Variants in BICDL1 observed in about 807,000 individuals in gnomAD.
BICDL1 encodes BICD family like cargo adaptor 1, also known as BICD family-like cargo adapter 1.
Under a neutral mutation model 76.8 loss-of-function variants are expected in BICDL1, and 20 were observed. The ratio of observed to expected loss-of-function variants is 0.26; its 90% CI spans 0.18 to 0.38. BICDL1 has a LOEUF of 0.38. BICDL1 is among the 10% of genes least tolerant of loss of function. The pLI, the probability that BICDL1 is intolerant of heterozygous loss-of-function variation, is 1.00. For missense variants in BICDL1, 700 were observed against 798.6 expected, an observed-to-expected ratio of 0.88 and a Z score of 1.49; for synonymous variants, 383 against 337.1, an observed-to-expected ratio of 1.14 and a Z score of -1.49.
At chr12:120,091,768 ATAT>A in intron 9 of BICDL1, 1 of 985,324 alleles carries the variant, frequency 1.0e-6, no homozygotes, top group Non-Finnish European at 1.2e-6. Context: ...ACCTGCAGAG[ATAT>A]TAGAATGACA....
intron 2 of BICDL1, among the ~76,000 whole-genome samples, chr12:120,023,229 A>G (rs1385412043): frequency 1.3e-5 from 2 of 152,214 alleles, no homozygotes; most frequent in African/African-American, 2.4e-5. Context: ...ATAAATTGCA[A>G]AAAGATCTCA....
chr12:120,066,306 G>A (rs1436196321), intron 4 of BICDL1, among the ~76,000 whole-genome samples: 1 of 152,166 alleles, frequency 6.6e-6, no homozygotes, highest in Non-Finnish European at 1.5e-5. Context: ...CTATCAAGCT[G>A]CTCTCCTGAG....
intron 9 of BICDL1, chr12:120,091,623 A>G (rs1301930697): frequency 6.1e-6 from 6 of 984,948 alleles, no homozygotes; most frequent in Non-Finnish European, 7.2e-6. Flanking sequence ...GAAGACCAGG[A>G]ATGAGCTGAG....
intron 2 of BICDL1, among the ~76,000 whole-genome samples, chr12:120,028,508 C>A (rs765510120): frequency 1.8e-4 from 27 of 152,082 alleles, no homozygotes; most frequent in Admixed American, 1.4e-3. Context: ...AACCTTGTAT[C>A]TACTAAAAGT....
intron 2 of BICDL1, among the ~76,000 whole-genome samples, chr12:119,999,479 G>A (rs147884301): frequency 1.3e-5 from 2 of 152,132 alleles, no homozygotes; most frequent in South Asian, 4.1e-4. Context: ...TTTTATTGAT[G>A]TTGCATTTGT....
intron 7 of BICDL1, among the ~76,000 whole-genome samples, chr12:120,077,935 C>T (rs1873688967): frequency 6.6e-6 from 1 of 152,192 alleles, no homozygotes; most frequent in South Asian, 2.1e-4. Context: ...AGTCTGGCTG[C>T]ATTCCAGCCG....
intron 2 of BICDL1, among the ~76,000 whole-genome samples, chr12:120,034,957 C>G (rs1277967161): frequency 6.6e-6 from 1 of 152,098 alleles, no homozygotes; most frequent in Non-Finnish European, 1.5e-5. Context: ...TGTGTTTTTC[C>G]CCCATAGCTC....
chr12:120,078,380 G>A (rs914451791), intron 7 of BICDL1, among the ~76,000 whole-genome samples: 5 of 152,194 alleles, frequency 3.3e-5, no homozygotes, highest in Non-Finnish European at 5.9e-5. Context: ...TTCAATATCT[G>A]ACTTTTGAAT....
chr12:120,089,352 G>A (rs1170957404), intron 8 of BICDL1, among the ~76,000 whole-genome samples: 1 of 151,344 alleles, frequency 6.6e-6, no homozygotes, highest in Non-Finnish European at 1.5e-5. Context: ...GCGTGTGTGT[G>A]TGACGGAGTT....
rs577948174 is a variant in BICDL1 at position 120,081,439 on chromosome 12, C to T, written c.1583+422C>T. ...CGATCTCAGCTCCCTGCAACCTCTG[C>T]CTCTGGGTTTAAGCGATTCTCCTGT... is the stretch of plus-strand genomic sequence containing the variant. On this transcript the variant is annotated intron_variant, in intron 8 of 9. Coordinates refer to ENST00000548673, the MANE Select transcript of BICDL1 (RefSeq NM_001367886.1). Among the ~76,000 whole-genome samples the T allele has an allele frequency of 2.7e-5, 4 of 149,390 alleles. No individual in the cohort carries two copies. In the South Asian group the frequency reaches 8.5e-4, roughly 32 times the overall value.
At chr12:120,057,014 C>A in intron 2 of BICDL1, 1 of 504,186 alleles carries the variant, frequency 2.0e-6, no homozygotes, top group Non-Finnish European at 4.0e-6. Flanking sequence ...CTCGCCCACG[C>A]AGGTGGGAAT....
chr12:120,040,694 G>A (rs1952622666), intron 2 of BICDL1, among the ~76,000 whole-genome samples: 1 of 151,792 alleles, frequency 6.6e-6, no homozygotes, highest in South Asian at 2.1e-4. Flanking sequence ...GGGATTACAG[G>A]TGTGAACCAT....
chr12:120,061,106 A>G (rs1335504660), intron 2 of BICDL1, among the ~76,000 whole-genome samples: 1 of 152,212 alleles, frequency 6.6e-6, no homozygotes, highest in African/African-American at 2.4e-5. Flanking sequence ...GCTGTATTTT[A>G]GCATTAGATC....
chr12:120,010,632 T>G lies in BICDL1; in HGVS notation c.645+11896T>G, dbSNP rs572216923. Among the ~76,000 whole-genome samples, 4 of 152,346 alleles carry G rather than the reference T, an allele frequency of 2.6e-5. No homozygotes were observed. The South Asian group carries it at 8.3e-4, about 32-fold the overall frequency. On this transcript the variant is annotated intron_variant, in intron 2 of 9. Transcript: ENST00000548673. ...TGCAAGGAAGAGCTGAATGGATTGT[T>G]AATCTGGTGGATTCCTGTCCCCTTC...
Position 119,990,353 on chromosome 12 carries a change from C to A in BICDL1, c.429+56C>A. On this transcript the variant is annotated intron_variant, in intron 1 of 9. Transcript: ENST00000548673. ...AGCAGGGGCCGCCCAGGCACGCGCC[C>A]GGCCCTGGGCAGTTAGGGAACCACT... The A allele has an allele frequency of 3.3e-6, 5 of 1,530,358 alleles. No individual in the cohort carries two copies. In the South Asian group the frequency reaches 3.7e-5, roughly 11 times the overall value. The allele number at this position is 1,530,358 out of a possible 1,614,324, so 94.8% of individuals were successfully genotyped here. A position where few individuals can be genotyped will look rare whatever the true frequency, so the allele number is the denominator to read the frequency against.
rs1873375997 is a variant in BICDL1, at chr12:120,074,449, C to T, written c.1315C>T (p.Arg439Trp). 1.6e-6 allele frequency: 2 copies of T among 1,215,582 alleles called. No homozygotes were observed. Among genetic ancestry groups the T allele is most frequent in the Non-Finnish European group, 2.1e-6 (2 of 952,228 alleles). 75.3% of individuals were successfully genotyped at this position (1,215,582 alleles called of 1,614,324 possible). Reference sequence around the variant, plus strand: ...GTCTTTCTTTTACTGTCAGGGCTCCCGGAGACTTGATGATGACTCCTTAGA... The same window carrying T: ...GTCTTTCTTTTACTGTCAGGGCTCCTGGAGACTTGATGATGACTCCTTAGA... ...IVDGMEPTGS[R>W]RLDDDSLEEQ... is the part of the protein sequence containing the mutation. The change falls in exon 7 of 10, where the codon CGG (arginine) becomes TGG (tryptophan). Residue 439 changes from arginine (R) to tryptophan (W), a missense_variant. Coordinates refer to ENST00000548673, the MANE Select transcript of BICDL1 (RefSeq NM_001367886.1).
At chr12:120,050,998 AG>A (rs1226853513) in intron 2 of BICDL1, among the ~76,000 whole-genome samples, 2 of 152,024 alleles carry the variant, frequency 1.3e-5, no homozygotes, top group East Asian at 3.9e-4. Flanking sequence ...AAATCTGAGA[AG>A]GTTGTACTTT....
chr12:120,018,436 C>T (rs370682824), intron 2 of BICDL1, among the ~76,000 whole-genome samples: 2 of 152,162 alleles, frequency 1.3e-5, no homozygotes, highest in Admixed American at 1.3e-4. Flanking sequence ...TCAGGTAAGC[C>T]TTTCTTCCAC....
intron 2 of BICDL1, among the ~76,000 whole-genome samples, chr12:120,000,922 C>T (rs1951746903): frequency 6.6e-6 from 1 of 152,182 alleles, no homozygotes; most frequent in African/African-American, 2.4e-5. Context: ...GGTTGTTTTA[C>T]TAAAGCAGTG....
Sources: allele counts gnomAD v4.1 joint callset (sites outside exome capture counted in the v4.1 genomes callset), GRCh38; gene constraint gnomAD v4.1.1; transcripts MANE v1.5; gene names NCBI Gene and HGNC (gene_info 2026-07-23, HGNC 2026-07-21).